The following LARGE1 variants were observed in gnomAD, a reference collection of about 807,000 sequenced individuals.
LARGE1 encodes the protein xylosyl- and glucuronyltransferase LARGE1.
Under a neutral mutation model 87.6 loss-of-function variants are expected in LARGE1, and 43 were observed. That is an observed-to-expected ratio of 0.49 (90% confidence interval 0.38 to 0.63). The LOEUF (loss-of-function observed/expected upper bound fraction) is 0.63. LARGE1 is among the 30% of genes least tolerant of loss of function. LARGE1 has a pLI of 0.00. For missense variants in LARGE1, 802 were observed against 1,000.2 expected, an observed-to-expected ratio of 0.80 and a Z score of 2.67; for synonymous variants, 434 against 394.6, an observed-to-expected ratio of 1.10 and a Z score of -1.18.
At chr22:33,377,192 C>T (rs1317070966) in intron 9 of LARGE1, among the ~76,000 whole-genome samples, 1 of 152,214 alleles carries the variant, frequency 6.6e-6, no homozygotes. Context: ...GGCTTTTCTT[C>T]CACAAGTGTC....
chr22:33,120,348 T>TTTTCTTTCTTTTTCTTTCTTTC, the LARGE1 span, among the ~76,000 whole-genome samples: 1 of 115,358 alleles, frequency 8.7e-6, no homozygotes, highest in African/African-American at 3.8e-5. Context: ...TTTTTCTTTC[T>TTTTCTTTCTTTTTCTTTCTTTC]TTTCTTTCTT....
intron 2 of LARGE1, among the ~76,000 whole-genome samples, chr22:33,749,239 A>G (rs1013048997): frequency 2.0e-5 from 3 of 152,064 alleles, no homozygotes; most frequent in Non-Finnish European, 2.9e-5. Flanking sequence ...CTCACCCTCC[A>G]GAGTAGCTGG....
chr22:33,304,068 G>C (rs987287091), intron 12 of LARGE1, among the ~76,000 whole-genome samples, 161 bp downstream of exon 12: 1 of 152,216 alleles, frequency 6.6e-6, no homozygotes, highest in Admixed American at 6.5e-5. Flanking sequence ...TCTATTGCTG[G>C]GTGGCTGTGG....
At chr22:33,748,906 A>C (rs28760379) in intron 2 of LARGE1, among the ~76,000 whole-genome samples, 2,740 of 152,292 alleles carry the variant, frequency 0.018, 82 homozygotes, top group African/African-American at 0.063. Context: ...GCTTCGTTAT[A>C]TCACAGTTCT....
chr22:33,836,060 G>C (rs1337327487), intron 1 of LARGE1, among the ~76,000 whole-genome samples: 8 of 152,204 alleles, frequency 5.3e-5, no homozygotes, highest in Admixed American at 3.9e-4. Flanking sequence ...CTGGGGAAGA[G>C]GCCACATTTC....
chr22:33,692,633 A>G (rs549648103), intron 2 of LARGE1, among the ~76,000 whole-genome samples: 1 of 152,286 alleles, frequency 6.6e-6, no homozygotes, highest in East Asian at 1.9e-4. Context: ...TTAGACCCTC[A>G]TTATCCTTCT....
chr22:33,641,020 G>A (rs2080413405), intron 3 of LARGE1, among the ~76,000 whole-genome samples: 1 of 152,156 alleles, frequency 6.6e-6, no homozygotes, highest in Non-Finnish European at 1.5e-5. Flanking sequence ...CTGCCTGCTG[G>A]CTCTGAAGAG....
At chr22:33,495,670 G>A (rs1258253436) in intron 6 of LARGE1, among the ~76,000 whole-genome samples, 1 of 151,872 alleles carries the variant, frequency 6.6e-6, no homozygotes, top group Non-Finnish European at 1.5e-5. Flanking sequence ...AGTGAGCCGA[G>A]ATCACACCAC....
At chr22:33,367,871 T>C (rs1470510995) in intron 9 of LARGE1, among the ~76,000 whole-genome samples, 1 of 152,208 alleles carries the variant, frequency 6.6e-6, no homozygotes, top group Non-Finnish European at 1.5e-5. Flanking sequence ...TGACATATTA[T>C]TTTTATTTTC....
intron 3 of LARGE1, among the ~76,000 whole-genome samples, chr22:33,641,455 A>C (rs1234851922): frequency 2.0e-5 from 3 of 152,182 alleles, no homozygotes; most frequent in Admixed American, 2.0e-4. Flanking sequence ...AAAATAACAA[A>C]AACCAGAATG....
chr22:33,395,753 T>G (rs951884580), intron 7 of LARGE1, among the ~76,000 whole-genome samples: 2 of 152,176 alleles, frequency 1.3e-5, no homozygotes, highest in Non-Finnish European at 2.9e-5. Context: ...AACCTTTTAT[T>G]CCTAAACTCA....
At chr22:33,131,906 G>A in the LARGE1 span, among the ~76,000 whole-genome samples, 5 of 152,134 alleles carry the variant, frequency 3.3e-5, no homozygotes, top group Non-Finnish European at 5.9e-5. Context: ...TAACTGGGGA[G>A]GCTTCACAAT....
chr22:33,494,730 C>T (rs1440974567), intron 6 of LARGE1, among the ~76,000 whole-genome samples: 3 of 152,304 alleles, frequency 2.0e-5, no homozygotes, highest in Admixed American at 6.5e-5. Context: ...CACAAAGCCA[C>T]TAGGTTACTT....
intron 1 of LARGE1, among the ~76,000 whole-genome samples, chr22:33,801,533 T>C (rs1300067945): frequency 6.6e-6 from 1 of 152,228 alleles, no homozygotes; most frequent in African/African-American, 2.4e-5. Context: ...CTTTTGCCCA[T>C]TTTCTAATTG....
chr22:33,110,962 TCTG>T, the LARGE1 span, among the ~76,000 whole-genome samples: 3 of 152,150 alleles, frequency 2.0e-5, no homozygotes, highest in Non-Finnish European at 4.4e-5. Context: ...ACAAAAAAGC[TCTG>T]CTTTTAGGAG....
At chr22:33,360,849 C>A (rs929649119) in intron 9 of LARGE1, among the ~76,000 whole-genome samples, 2 of 150,018 alleles carry the variant, frequency 1.3e-5, no homozygotes, top group African/African-American at 4.9e-5. Flanking sequence ...CCACTGGACT[C>A]TTTCTGTACA....
intron 2 of LARGE1, among the ~76,000 whole-genome samples, chr22:33,715,425 A>G (rs2149418939): frequency 6.6e-6 from 1 of 152,300 alleles, no homozygotes; most frequent in Middle Eastern, 3.4e-3. Flanking sequence ...GATACTGGGT[A>G]ACGCCTGGGT....
chr22:33,807,714 A>G (rs1163521772), intron 1 of LARGE1, among the ~76,000 whole-genome samples: 2 of 152,210 alleles, frequency 1.3e-5, no homozygotes, highest in African/African-American at 4.8e-5. Flanking sequence ...TACTATCTCC[A>G]GAGTTTTGCC....
chr22:33,892,541 C>A (rs2065031410), intron 1 of LARGE1, among the ~76,000 whole-genome samples: 1 of 152,164 alleles, frequency 6.6e-6, no homozygotes, highest in African/African-American at 2.4e-5. Flanking sequence ...AGATTTGAGG[C>A]CACAAATGCA....
Sources: allele counts gnomAD v4.1 joint callset (sites outside exome capture counted in the v4.1 genomes callset), GRCh38; gene constraint gnomAD v4.1.1; transcripts MANE v1.5; gene names NCBI Gene and HGNC (gene_info 2026-07-23, HGNC 2026-07-21).